The following GRHL3 variants were observed in gnomAD, a reference collection of about 807,000 sequenced individuals.
GRHL3 encodes grainyhead-like protein 3 homolog.
Under a neutral mutation model 70.3 loss-of-function variants are expected in GRHL3, and 20 were observed. That is an observed-to-expected ratio of 0.28 (90% CI 0.20 to 0.41). The LOEUF is 0.41. Ranked by LOEUF, GRHL3 falls within the 10% of genes least tolerant of loss-of-function variation. GRHL3 has a pLI of 1.00. For missense variants in GRHL3, 637 were observed against 762.3 expected (o/e 0.84, Z 1.94); for synonymous variants, 299 against 299.9 (o/e 1.00, Z 0.03).
chr1:24,346,509 G>A (rs1185668971), intron 12 of GRHL3, 44 bp from the exon 13 acceptor site: 1 of 1,429,202 alleles, frequency 7.0e-7, no homozygotes, highest in South Asian at 1.2e-5. Flanking sequence ...AGCCTCTAGG[G>A]GTCCCCAAGT....
At chr1:24,345,041 C>CCCCCTCCACACCTGTG (rs1640204747) in intron 12 of GRHL3, 110 bp downstream of exon 12, 26 of 445,056 alleles carry the variant, frequency 5.8e-5, no homozygotes, top group South Asian at 1.9e-4. Flanking sequence ...TACACCTGTG[C>CCCCCTCCACACCTGTG]CCCCTCCACA....
intron 4 of GRHL3, 99 bp from the exon 5 acceptor site, chr1:24,336,979 A>G (rs1639843071): frequency 3.1e-6 from 4 of 1,290,444 alleles, no homozygotes; most frequent in Non-Finnish European, 4.5e-6. Flanking sequence ...TCCAAGTTGT[A>G]CACTGTACAA....
At chr1:24,358,001 G>A, downstream of GRHL3, 1 of 354,714 alleles carries the variant, frequency 2.8e-6, no homozygotes, top group South Asian at 2.1e-5. Context: ...GCTGTGGACT[G>A]GTGGAAAAAG....
intron 1 of GRHL3, among the ~76,000 whole-genome samples, chr1:24,325,031 G>C (rs1047159534): frequency 2.6e-5 from 4 of 152,032 alleles, no homozygotes; most frequent in Non-Finnish European, 5.9e-5. Flanking sequence ...GTGTGGGGCT[G>C]ACTGGAAAAT....
At chr1:24,328,377 G>T (rs574930237) in intron 1 of GRHL3, among the ~76,000 whole-genome samples, 9 of 152,334 alleles carry the variant, frequency 5.9e-5, no homozygotes, top group African/African-American at 2.2e-4. Context: ...CACAAAAACA[G>T]ATGGCACTAT....
In GRHL3 at chr1:24,337,134, C is replaced by G; in HGVS notation, c.669C>G (p.Asp223Glu). The change falls in exon 5 of 16, where the codon GAC (aspartate) becomes GAG (glutamate). Residue 223 changes from aspartate to glutamate, a missense_variant. Asp to Glu is a conservative substitution (Grantham distance 45). This residue lies in a region of GRHL3 where 387 missense variants were observed against 513.8 expected (regional missense o/e 0.75). Transcript: ENST00000361548. Reference sequence around the variant, plus strand: ...CCCCGGAACCCCCATGTCCAGAGGACTACCCCAGCCTCAAAAGGTAACTTG... The same window carrying G: ...CCCCGGAACCCCCATGTCCAGAGGAGTACCCCAGCCTCAAAAGGTAACTTG... The part of the protein sequence containing the change: ...KTSPEPPCPE[D>E]YPSLKSDFEY... The G allele has an allele frequency of 6.2e-7, 1 of 1,613,880 alleles. No individual in the cohort carries two copies. Among genetic ancestry groups the G allele is most frequent in the Non-Finnish European group, 8.5e-7 (1 of 1,179,818 alleles).
rs149762323 is a variant in GRHL3, at chr1:24,325,143, G to A, written c.17+5575G>A. Among the ~76,000 whole-genome samples the A allele has an allele frequency of 4.2e-3, 637 of 152,312 alleles. 3 individuals are homozygous for A. The highest frequency in any genetic ancestry group is 0.014 in the Middle Eastern group (4 of 294). ...GGTGGCTCATGGCAGGATTTAGCAA[G>A]TCATTGGGAGTATCTGGGTGTCAAC... On this transcript the variant is annotated intron_variant, in intron 1 of 15. Coordinates refer to ENST00000361548, the MANE Select transcript of GRHL3 (RefSeq NM_198173.3).
chr1:24,346,632 C>A lies in GRHL3; in HGVS notation c.1534C>A (p.Leu512Ile). 1.2e-6 allele frequency: 2 copies of A among 1,611,914 alleles called. No individual in the cohort carries two copies. Among genetic ancestry groups the A allele is most frequent in the Non-Finnish European group, 1.7e-6 (2 of 1,178,594 alleles). ...LPSKQAKEGD[L>I]QRVLLYVRRE... ...CTCCAAGCAGGCCAAGGAAGGCGAC[C>A]TTCAGAGAGGTGACCTCCCGCCCTC... The change falls in exon 13 of 16, where the codon CTT becomes ATT. Residue 512 changes from leucine (L) to isoleucine (I), a missense_variant. By Grantham distance (5) the Leu-to-Ile change is conservative. This residue lies in a region of GRHL3 where 387 missense variants were observed against 513.8 expected (regional missense o/e 0.75). Transcript: ENST00000361548.
Position 24,349,301 on chromosome 1 carries a change from G to A in GRHL3, c.1630-757G>A, listed in dbSNP as rs192368221. On this transcript the variant is annotated intron_variant, in intron 14 of 15. Transcript: ENST00000361548. ...AAGTTCCAACATTTTCGGATGTGAC[G>A]GAGTCAGTTAACCTGGGGTCTAGGC... Among the ~76,000 whole-genome samples, 4 of 152,300 alleles carry A rather than the reference G, an allele frequency of 2.6e-5. No homozygotes were observed. The South Asian group carries it at 6.2e-4, about 24-fold the overall frequency.
chr1:24,348,405 C>T (rs1640377124), intron 14 of GRHL3, among the ~76,000 whole-genome samples: 1 of 152,222 alleles, frequency 6.6e-6, no homozygotes, highest in Non-Finnish European at 1.5e-5. Context: ...GGATGCCAGC[C>T]CAGGCTCTCC....
intron 11 of GRHL3, chr1:24,343,260 G>A: frequency 2.0e-6 from 1 of 501,752 alleles, no homozygotes; most frequent in Admixed American, 3.2e-5. Flanking sequence ...AAACGTTCAT[G>A]CTTAGGGCAC....
downstream of GRHL3, chr1:24,357,952 G>C (rs967453967): frequency 2.0e-5 from 7 of 344,696 alleles, no homozygotes; most frequent in Non-Finnish European, 4.0e-5. Context: ...AAGGAGTAAA[G>C]AGAGGTCTTT....
At chr1:24,363,798 T>G (rs1029028706) in intron 15 of GRHL3, among the ~76,000 whole-genome samples, 4 of 152,036 alleles carry the variant, frequency 2.6e-5, no homozygotes, top group African/African-American at 9.7e-5. Context: ...GGGAAGAGCA[T>G]TTCCAGCAGA....
chr1:24,328,474 C>G (rs948194339), intron 1 of GRHL3, among the ~76,000 whole-genome samples: 3 of 152,234 alleles, frequency 2.0e-5, no homozygotes, highest in Admixed American at 2.0e-4. Context: ...AGATTGGAGA[C>G]CTTATAGGCC....
intron 15 of GRHL3, chr1:24,361,115 A>G: frequency 2.2e-6 from 3 of 1,355,002 alleles, no homozygotes; most frequent in Non-Finnish European, 3.0e-6. Flanking sequence ...AGACACAGCC[A>G]AGACCTGCAC....
At chr1:24,338,988 G>T (rs1639932023) in intron 7 of GRHL3, among the ~76,000 whole-genome samples, 2 of 152,198 alleles carry the variant, frequency 1.3e-5, no homozygotes, top group African/African-American at 4.8e-5. Flanking sequence ...TTTTGCTACT[G>T]CTCTTACTCC....
downstream of GRHL3, chr1:24,358,264 C>T (rs757435376): frequency 1.6e-6 from 1 of 633,664 alleles, no homozygotes; most frequent in African/African-American, 1.8e-5. Flanking sequence ...TGGATGGGTG[C>T]GTGGGGAAGC....
intron 15 of GRHL3, among the ~76,000 whole-genome samples, chr1:24,352,838 C>G (rs1480843657): frequency 1.3e-5 from 2 of 152,176 alleles, no homozygotes; most frequent in African/African-American, 4.8e-5. Context: ...AAAGGGGAGC[C>G]TATGATTACA....
intron 14 of GRHL3, among the ~76,000 whole-genome samples, chr1:24,349,042 G>T (rs1206084566): frequency 6.6e-6 from 1 of 152,234 alleles, no homozygotes; most frequent in Non-Finnish European, 1.5e-5. Context: ...ACCACAGTGT[G>T]TGTACATCCT....
Sources: allele counts gnomAD v4.1 joint callset (sites outside exome capture counted in the v4.1 genomes callset), GRCh38; gene constraint gnomAD v4.1.1; regional missense constraint gnomAD v4.1.1; transcripts MANE v1.5; gene names NCBI Gene and HGNC (gene_info 2026-07-23, HGNC 2026-07-21).